Variants in HS3ST5 observed in about 807,000 individuals in gnomAD.
HS3ST5 encodes heparan sulfate glucosamine 3-O-sulfotransferase 5.
A neutral mutation model predicts 25.4 loss-of-function variants in HS3ST5; 10 were observed. The observed-to-expected ratio is 0.39, with a 90% CI of 0.24 to 0.67. HS3ST5 has a LOEUF of 0.67. HS3ST5 is among the 30% of genes least tolerant of loss of function. The probability of loss-of-function intolerance (pLI) is 0.44; values close to 1 mark genes in which losing one functional copy is unlikely to be tolerated. For missense variants in HS3ST5, 324 were observed against 420.7 expected, an observed-to-expected ratio of 0.77 and a Z score of 2.01; for synonymous variants, 170 against 162.4, an observed-to-expected ratio of 1.05 and a Z score of -0.36.
chr6:114,173,216 G>A (rs111990314), intron 2 of HS3ST5, among the ~76,000 whole-genome samples: 1 of 152,204 alleles, frequency 6.6e-6, no homozygotes, highest in African/African-American at 2.4e-5. Flanking sequence ...ACAAGCATGG[G>A]GAATTAAACT....
intron 3 of HS3ST5, among the ~76,000 whole-genome samples, chr6:114,148,064 T>A (rs1183992396): frequency 6.6e-6 from 1 of 152,222 alleles, no homozygotes; most frequent in Non-Finnish European, 1.5e-5. Flanking sequence ...ATCATTTTTC[T>A]AGACATTATA....
chr6:114,231,760 T>TAA (rs11333317), intron 1 of HS3ST5, among the ~76,000 whole-genome samples: 309 of 141,268 alleles, frequency 2.2e-3, no homozygotes, highest in Middle Eastern at 3.8e-3. Flanking sequence ...CTATTCTATT[T>TAA]AAAAAAAAAA....
intron 2 of HS3ST5, among the ~76,000 whole-genome samples, chr6:114,222,801 A>C (rs1266634766): frequency 6.6e-6 from 1 of 151,838 alleles, no homozygotes; most frequent in Non-Finnish European, 1.5e-5. Context: ...GGAAACTACC[A>C]TCTAGAATTT....
intron 3 of HS3ST5, among the ~76,000 whole-genome samples, chr6:114,065,822 C>A (rs538753305): frequency 6.6e-6 from 1 of 152,280 alleles, no homozygotes; most frequent in Non-Finnish European, 1.5e-5. Context: ...ATACAGGGGA[C>A]CAATTCAGAG....
intron 3 of HS3ST5, among the ~76,000 whole-genome samples, chr6:114,105,265 A>C (rs1775936728): frequency 6.6e-6 from 1 of 152,178 alleles, no homozygotes; most frequent in South Asian, 2.1e-4. Context: ...AAGCCAAAGA[A>C]ATGTCAGTAA....
chr6:114,115,736 C>A (rs1264794079), intron 3 of HS3ST5, among the ~76,000 whole-genome samples: 1 of 151,838 alleles, frequency 6.6e-6, no homozygotes, highest in Non-Finnish European at 1.5e-5. Context: ...GTTTGAAATC[C>A]TGTTTAGCAT....
At chr6:114,183,745 A>G (rs1478617821) in intron 2 of HS3ST5, among the ~76,000 whole-genome samples, 1 of 152,216 alleles carries the variant, frequency 6.6e-6, no homozygotes, top group African/African-American at 2.4e-5. Context: ...GATTCTGATG[A>G]GTGCTCAGGA....
chr6:114,243,959 G>A (rs971928842), intron 1 of HS3ST5, among the ~76,000 whole-genome samples: 18 of 152,224 alleles, frequency 1.2e-4, no homozygotes, highest in African/African-American at 7.2e-5. Context: ...TGCGATAGAA[G>A]TGGAATTATA....
chr6:114,063,194 A>T (rs925240956), intron 3 of HS3ST5, among the ~76,000 whole-genome samples: 2 of 152,178 alleles, frequency 1.3e-5, no homozygotes, highest in Admixed American at 1.3e-4. Context: ...GTGTGTATAT[A>T]TAAAATGATT....
At chr6:114,191,761 C>G (rs73540308) in intron 2 of HS3ST5, among the ~76,000 whole-genome samples, 2,094 of 152,204 alleles carry the variant, frequency 0.014, 57 homozygotes, top group African/African-American at 0.049. Context: ...CCACCGTGGT[C>G]CTCCTGGCCC....
intron 1 of HS3ST5, among the ~76,000 whole-genome samples, chr6:114,272,529 C>T (rs1243645755): frequency 1.3e-5 from 2 of 152,058 alleles, no homozygotes; most frequent in East Asian, 3.9e-4. Flanking sequence ...TTACAAGGTG[C>T]GAAGATGTTA....
intron 1 of HS3ST5, among the ~76,000 whole-genome samples, chr6:114,288,519 T>A (rs1169932481): frequency 2.0e-5 from 3 of 151,962 alleles, no homozygotes; most frequent in Non-Finnish European, 2.9e-5. Context: ...CATAAGAACA[T>A]AAGAGACTTG....
At chr6:114,122,666 T>C (rs1182181374) in intron 3 of HS3ST5, among the ~76,000 whole-genome samples, 1 of 152,184 alleles carries the variant, frequency 6.6e-6, no homozygotes, top group South Asian at 2.1e-4. Flanking sequence ...TGTTAACATA[T>C]GTTACAAATA....
At chr6:114,107,069 T>C (rs979263891) in intron 3 of HS3ST5, among the ~76,000 whole-genome samples, 1 of 152,156 alleles carries the variant, frequency 6.6e-6, no homozygotes, top group Non-Finnish European at 1.5e-5. Context: ...CTCAAATTAC[T>C]TACTAAAATT....
In HS3ST5 at chr6:114,342,444, C is replaced by T; in HGVS notation, c.-588G>A. Reference sequence around the variant, plus strand: ...CAGGCGGCGGCGGCGGCGGCGGCGGCGGCGAGGTCTGAGGCGGGGAGCCGG... The same window carrying T: ...CAGGCGGCGGCGGCGGCGGCGGCGGTGGCGAGGTCTGAGGCGGGGAGCCGG... On this transcript the variant is annotated 5_prime_UTR_variant, in exon 1 of 5. Coordinates refer to ENST00000312719, the MANE Select transcript of HS3ST5 (RefSeq NM_153612.4). 5.2e-6 allele frequency: 1 copy of T among 192,654 alleles called. No individual in the cohort carries two copies. The highest frequency in any genetic ancestry group is 1.0e-5 in the Non-Finnish European group (1 of 98,854). 11.9% of individuals were successfully genotyped at this position (192,654 alleles called of 1,614,324 possible).
At chr6:114,069,356 T>A (rs79930011) in intron 3 of HS3ST5, among the ~76,000 whole-genome samples, 2 of 151,984 alleles carry the variant, frequency 1.3e-5, no homozygotes, top group African/African-American at 2.4e-5. Flanking sequence ...TTTTTTTTTT[T>A]AATGGAAACT....
intron 3 of HS3ST5, among the ~76,000 whole-genome samples, chr6:114,164,772 A>G (rs1457438907): frequency 5.3e-5 from 8 of 152,226 alleles, no homozygotes; most frequent in African/African-American, 1.9e-4. Context: ...ACTATGTCAC[A>G]TGCTGAGATT....
intron 1 of HS3ST5, among the ~76,000 whole-genome samples, chr6:114,329,382 T>G (rs1338890357): frequency 6.6e-6 from 1 of 152,204 alleles, no homozygotes; most frequent in Non-Finnish European, 1.5e-5. Context: ...AACTCTGTAA[T>G]AGCCTACATC....
chr6:114,135,021 G>C (rs1192729764), intron 3 of HS3ST5, among the ~76,000 whole-genome samples: 2 of 152,208 alleles, frequency 1.3e-5, no homozygotes, highest in Admixed American at 1.3e-4. Flanking sequence ...GGGTGAACTT[G>C]GTGACGCTGG....
Sources: gnomAD v4.1 joint callset for allele counts (sites outside exome capture counted in the v4.1 genomes callset) on GRCh38, gnomAD v4.1.1 for gene constraint, MANE v1.5 for transcripts, NCBI Gene and HGNC (gene_info 2026-07-23, HGNC 2026-07-21) for gene names.